The following NAV2 variants were observed in gnomAD, a reference collection of about 807,000 sequenced individuals.
NAV2 encodes the protein helicase, APC down-regulated 1.
NAV2 carries 54 observed loss-of-function variants against 223.2 expected under a neutral mutation model. The ratio of observed to expected loss-of-function variants is 0.24; its 90% confidence interval spans 0.19 to 0.30. The LOEUF (loss-of-function observed/expected upper bound fraction) is 0.30. Among genes scored for constraint, NAV2 ranks in the 10% least tolerant of loss-of-function variants. The probability of loss-of-function intolerance (pLI) is 1.00; values close to 1 mark genes in which losing one functional copy is unlikely to be tolerated. For missense variants in NAV2, 2,806 were observed against 3,147.5 expected (o/e 0.89, Z 2.60); for synonymous variants, 1,279 against 1,239.3 (o/e 1.03, Z -0.67).
In NAV2 at chr11:20,083,035, GGAA is replaced by G. The variant is rs776565774; in HGVS notation, c.5362_5364del (p.Lys1788del). ...CGCAGCTCCTTCAAGCAAGCTTTCGGGAAGAAGAAGTCCCCAAAATCTGCGTCC... is the reference window on the plus strand; with the variant it reads ...CGCAGCTCCTTCAAGCAAGCTTTCGGGAAGAAGTCCCCAAAATCTGCGTCC... On this transcript the variant is annotated inframe_deletion, in exon 26 of 38. Transcript: ENST00000349880. The G allele has an allele frequency of 6.6e-5, 107 of 1,613,740 alleles. No homozygotes were observed. Among genetic ancestry groups the G allele is most frequent in the Non-Finnish European group, 8.3e-5 (98 of 1,179,880 alleles).
At chr11:19,534,696 G>A (rs562552523) in intron 1 of NAV2, among the ~76,000 whole-genome samples, 1 of 152,310 alleles carries the variant, frequency 6.6e-6, no homozygotes, top group South Asian at 2.1e-4. Flanking sequence ...GGCTCCCTGT[G>A]CAATGTTTGA....
At chr11:20,015,307 G>C (rs2053912674) in intron 11 of NAV2, among the ~76,000 whole-genome samples, 1 of 152,146 alleles carries the variant, frequency 6.6e-6, no homozygotes, top group Non-Finnish European at 1.5e-5. Context: ...AGAAATTTTT[G>C]TGGCTGTTGT....
intron 6 of NAV2, among the ~76,000 whole-genome samples, chr11:19,907,573 A>G (rs1449209611): frequency 6.6e-6 from 1 of 152,168 alleles, no homozygotes; most frequent in Admixed American, 6.5e-5. Context: ...ACTAGTGAAC[A>G]CTGAAAGAAG....
chr11:19,816,314 T>C (rs1293167920), intron 1 of NAV2, among the ~76,000 whole-genome samples: 1 of 152,222 alleles, frequency 6.6e-6, no homozygotes, highest in Non-Finnish European at 1.5e-5. Flanking sequence ...TTCCAGAGTT[T>C]TTTAAAGCCT....
chr11:19,353,334 C>T (rs1853434360), intron 1 of NAV2, among the ~76,000 whole-genome samples: 1 of 152,186 alleles, frequency 6.6e-6, no homozygotes, highest in African/African-American at 2.4e-5. Context: ...CTGGTTGTAG[C>T]TTGGTGATTG....
intron 3 of NAV2, among the ~76,000 whole-genome samples, chr11:19,854,260 C>A (rs1015167579): frequency 2.0e-5 from 3 of 152,012 alleles, no homozygotes; most frequent in African/African-American, 7.3e-5. Flanking sequence ...TGGAACTTAG[C>A]AGGGAAATCC....
chr11:19,451,686 T>C (rs1056723979), intron 1 of NAV2, among the ~76,000 whole-genome samples: 16 of 152,226 alleles, frequency 1.1e-4, no homozygotes, highest in African/African-American at 3.6e-4. Context: ...GGCCTGCCTG[T>C]CCTGAGGATG....
At chr11:19,523,730 T>C (rs2134352399) in intron 1 of NAV2, among the ~76,000 whole-genome samples, 1 of 152,286 alleles carries the variant, frequency 6.6e-6, no homozygotes, top group East Asian at 1.9e-4. Context: ...TGCAAAGCAA[T>C]TGCTCTTCAG....
At chr11:19,960,496 T>A (rs2048259396) in intron 10 of NAV2, among the ~76,000 whole-genome samples, 1 of 152,188 alleles carries the variant, frequency 6.6e-6, no homozygotes. Context: ...ACTTTCCCTT[T>A]GTATCCTGGG....
intron 1 of NAV2, among the ~76,000 whole-genome samples, chr11:19,486,183 T>G: frequency 6.6e-6 from 1 of 151,992 alleles, no homozygotes. Flanking sequence ...CAAGCAAAGG[T>G]GGGTGGTAGC....
rs146354124 is a variant in NAV2, at chr11:19,600,057, C to T, written c.76-232427C>T. Among the ~76,000 whole-genome samples, 623 of 152,134 alleles carry T rather than the reference C, an allele frequency of 4.1e-3. 6 individuals carry two copies. Among genetic ancestry groups the T allele is most frequent in the African/African-American group, 0.013 (532 of 41,500 alleles). On this transcript the variant is annotated intron_variant, in intron 1 of 37. Transcript: ENST00000360655. ...TGTGAGGGAGTGGGGAGTGAGACAG[C>T]GAGGAGAAAGCCAATAAAAGGTGTG...
At chr11:20,096,105 G>A (rs759559434) in intron 30 of NAV2, among the ~76,000 whole-genome samples, 3 of 152,142 alleles carry the variant, frequency 2.0e-5, no homozygotes, top group Non-Finnish European at 2.9e-5. Context: ...CATATGCTTC[G>A]GAGTATGTAA....
chr11:19,570,464 A>G (rs916643138), intron 1 of NAV2, among the ~76,000 whole-genome samples: 1 of 152,256 alleles, frequency 6.6e-6, no homozygotes, highest in African/African-American at 2.4e-5. Flanking sequence ...GTTGGACTTT[A>G]TCAAAATTAA....
chr11:19,510,392 G>A (rs989642225), intron 1 of NAV2, among the ~76,000 whole-genome samples: 4 of 152,198 alleles, frequency 2.6e-5, no homozygotes, highest in African/African-American at 9.7e-5. Flanking sequence ...CTGATTTCTT[G>A]TCTCCTTCTC....
At chr11:20,058,596 A>G (rs954581984) in intron 19 of NAV2, among the ~76,000 whole-genome samples, 1 of 152,220 alleles carries the variant, frequency 6.6e-6, no homozygotes. Flanking sequence ...ATCAATTTAT[A>G]TGGAATCCCC....
At chr11:19,806,171 C>T (rs1565348250) in intron 1 of NAV2, among the ~76,000 whole-genome samples, 1 of 151,844 alleles carries the variant, frequency 6.6e-6, no homozygotes, top group Non-Finnish European at 1.5e-5. Context: ...TAAACAAGGC[C>T]CTAAAATGTC....
intron 1 of NAV2, among the ~76,000 whole-genome samples, chr11:19,445,475 T>C (rs1851550365): frequency 6.6e-6 from 1 of 152,196 alleles, no homozygotes; most frequent in South Asian, 2.1e-4. Context: ...GAAGTTGCTA[T>C]GATCCCCACT....
chr11:19,361,701 G>A (rs1417757854), intron 1 of NAV2, among the ~76,000 whole-genome samples: 1 of 152,122 alleles, frequency 6.6e-6, no homozygotes, highest in East Asian at 1.9e-4. Flanking sequence ...GTCAATCACT[G>A]GCAGGGCCTG....
intron 34 of NAV2, 117 bp downstream of exon 34, chr11:20,103,841 A>G (rs2061824892): frequency 1.1e-6 from 1 of 914,216 alleles, no homozygotes; most frequent in Non-Finnish European, 1.8e-6. Flanking sequence ...ATTGTTAAGC[A>G]TTTTTCTCAG....
Sources: allele counts gnomAD v4.1 joint callset (sites outside exome capture counted in the v4.1 genomes callset), GRCh38; gene constraint gnomAD v4.1.1; transcripts MANE v1.5; gene names NCBI Gene and HGNC (gene_info 2026-07-23, HGNC 2026-07-21).